Variants in PLGRKT observed in about 807,000 individuals in gnomAD.
The protein encoded by PLGRKT is plasminogen receptor (KT).
A neutral mutation model predicts 18.5 loss-of-function variants in PLGRKT; 22 were observed. The ratio of observed to expected loss-of-function variants is 1.19; its 90% CI spans 0.85 to 1.70. PLGRKT has a LOEUF of 1.70. PLGRKT is among the 40% of genes most tolerant of loss of function. The probability of loss-of-function intolerance (pLI) is 0.00; values close to 1 mark genes in which losing one functional copy is unlikely to be tolerated. For missense variants in PLGRKT, 235 were observed against 174.4 expected, an observed-to-expected ratio of 1.35 and a Z score of -1.96; for synonymous variants, 72 against 52.8, an observed-to-expected ratio of 1.36 and a Z score of -1.58.
At position 5,418,540 on chromosome 9, in the gene PLGRKT, G is replaced by A. The variant is rs886816083; in HGVS notation, c.81+13357C>T. 2.2e-6 allele frequency: 2 copies of A among 903,092 alleles called. No homozygotes were observed. Among genetic ancestry groups the A allele is most frequent in the African/African-American group, 1.6e-5 (1 of 61,414 alleles). 55.9% of individuals were successfully genotyped at this position (903,092 alleles called of 1,614,324 possible). On this transcript the variant is annotated intron_variant, in intron 3 of 5. Transcript: ENST00000223864. This position sits in a 1 kb window ranked among gnomAD's most constrained non-coding sequence, Gnocchi z 4.2. ...CTGCTCCTCCTCCGCCACCCCCTGG[G>A]GAGCCCTGCCTTGCAGAGGCTGCTG...
intron 3 of PLGRKT, among the ~76,000 whole-genome samples, chr9:5,426,154 A>C (rs1488608415): frequency 6.6e-6 from 1 of 152,194 alleles, no homozygotes; most frequent in Non-Finnish European, 1.5e-5. Flanking sequence ...CATGAGGTCA[A>C]TTCCAGCCCA....
At chr9:5,361,549 G>A (rs1817264947) in intron 4 of PLGRKT, among the ~76,000 whole-genome samples, 1 of 152,160 alleles carries the variant, frequency 6.6e-6, no homozygotes, top group African/African-American at 2.4e-5. Flanking sequence ...ATAAAGTAGA[G>A]AAAAAGACAG....
At chr9:5,360,034 A>G (rs1586695495) in intron 5 of PLGRKT, among the ~76,000 whole-genome samples, 1 of 152,350 alleles carries the variant, frequency 6.6e-6, no homozygotes, top group East Asian at 1.9e-4. Context: ...GCAGCTGATG[A>G]GAGAGTATAA....
intron 3 of PLGRKT, among the ~76,000 whole-genome samples, chr9:5,423,496 T>C (rs1818616390): frequency 6.6e-6 from 1 of 152,178 alleles, no homozygotes; most frequent in Non-Finnish European, 1.5e-5. Context: ...CTCAGGCCTT[T>C]ACAGACTTGT....
In PLGRKT at chr9:5,418,277, G is replaced by T. The variant is rs763067683; in HGVS notation, c.81+13620C>A. ...GCCAGCTCTCAGCACCAAATGGTCA[G>T]TGTCGCCCCCTCATCTTCTCACTGG... On this transcript the variant is annotated intron_variant, in intron 3 of 5. Coordinates refer to ENST00000223864, the MANE Select transcript of PLGRKT (RefSeq NM_018465.4). The surrounding 1 kb of genome is among the most constrained non-coding windows in gnomAD (Gnocchi z 4.2). 18 of 474,046 alleles carry T rather than the reference G, an allele frequency of 3.8e-5. No homozygotes were observed. Among genetic ancestry groups the T allele is most frequent in the Non-Finnish European group, 4.0e-6 (1 of 248,038 alleles). 29.4% of individuals were successfully genotyped at this position (474,046 alleles called of 1,614,324 possible). A position where few individuals can be genotyped will look rare whatever the true frequency, so the allele number is the denominator to read the frequency against.
intron 3 of PLGRKT, among the ~76,000 whole-genome samples, chr9:5,421,707 T>C (rs1214869948): frequency 6.6e-6 from 1 of 152,190 alleles, no homozygotes; most frequent in Non-Finnish European, 1.5e-5. Flanking sequence ...ATCCTCAGAG[T>C]AACCCTACAA....
chr9:5,373,761 G>A (rs1817574328), intron 3 of PLGRKT, among the ~76,000 whole-genome samples: 1 of 151,740 alleles, frequency 6.6e-6, no homozygotes, highest in Non-Finnish European at 1.5e-5. Context: ...TGGGTGACTA[G>A]AGCAAGGCCC....
intron 3 of PLGRKT, among the ~76,000 whole-genome samples, chr9:5,394,755 C>G (rs1818014083): frequency 2.0e-5 from 3 of 151,856 alleles, no homozygotes; most frequent in Admixed American, 6.6e-5. Context: ...GGAAAACGTT[C>G]AAATATTGGA....
At chr9:5,404,777 G>T in intron 3 of PLGRKT, among the ~76,000 whole-genome samples, 1 of 152,140 alleles carries the variant, frequency 6.6e-6, no homozygotes, top group Non-Finnish European at 1.5e-5. Context: ...GTCCTAGCCA[G>T]GTCAATCAGG....
At chr9:5,403,159 A>G (rs1207450344) in intron 3 of PLGRKT, among the ~76,000 whole-genome samples, 1 of 151,834 alleles carries the variant, frequency 6.6e-6, no homozygotes, top group Admixed American at 6.6e-5. Flanking sequence ...AATTTATTTC[A>G]CCAATACTAG....
intron 3 of PLGRKT, among the ~76,000 whole-genome samples, chr9:5,376,460 A>G (rs1817629838): frequency 6.6e-6 from 1 of 152,166 alleles, no homozygotes; most frequent in South Asian, 2.1e-4. Context: ...ACTACCTCTG[A>G]GGTTGTTTTG....
At chr9:5,402,527 G>A (rs1318767405) in intron 3 of PLGRKT, among the ~76,000 whole-genome samples, 2 of 151,900 alleles carry the variant, frequency 1.3e-5, no homozygotes, top group Non-Finnish European at 2.9e-5. Context: ...GACTCCTGCT[G>A]GGAACCACAC....
rs541040613 is a variant in PLGRKT at position 5,436,780 on chromosome 9, A to G, written c.-132-86T>C. The G allele has an allele frequency of 7.2e-5, 11 of 152,184 alleles. No homozygotes were observed. In the South Asian group the frequency reaches 2.1e-3, roughly 29 times the overall value. The allele number at this position is 152,184 out of a possible 1,614,324, so 9.4% of individuals were successfully genotyped here. On this transcript the variant is annotated intron_variant, in intron 1 of 5. Coordinates refer to ENST00000223864, the MANE Select transcript of PLGRKT (RefSeq NM_018465.4). The stretch of plus-strand genomic sequence containing the variant: ...CATTCTTTCCTTTCCCAACTTCCCC[A>G]TTCCTGGCAAAGTCATTTCCCAAAG...
intron 3 of PLGRKT, among the ~76,000 whole-genome samples, chr9:5,425,697 C>G (rs1242977375): frequency 6.6e-6 from 1 of 151,634 alleles, no homozygotes; most frequent in Non-Finnish European, 1.5e-5. Flanking sequence ...CCCAAACATT[C>G]AAAAGGCCCT....
chr9:5,369,631 T>G (rs757653928), intron 3 of PLGRKT, among the ~76,000 whole-genome samples: 22 of 152,188 alleles, frequency 1.4e-4, no homozygotes, highest in Non-Finnish European at 2.5e-4. Context: ...TAAAGACACA[T>G]GCACACATAT....
intron 2 of PLGRKT, among the ~76,000 whole-genome samples, chr9:5,433,633 C>T (rs1227412345): frequency 2.1e-5 from 3 of 141,104 alleles, no homozygotes; most frequent in Non-Finnish European, 4.6e-5. Flanking sequence ...ATGTGAGGAG[C>T]GCCTTGGCCC....
chr9:5,408,148 A>G (rs1187188562), intron 3 of PLGRKT, among the ~76,000 whole-genome samples: 1 of 152,214 alleles, frequency 6.6e-6, no homozygotes, highest in Non-Finnish European at 1.5e-5. Context: ...GTTCACACTG[A>G]AAGTGGCTTT....
At chr9:5,368,810 A>G (rs760881092) in intron 3 of PLGRKT, among the ~76,000 whole-genome samples, 1 of 152,196 alleles carries the variant, frequency 6.6e-6, no homozygotes. Context: ...CCACACATCT[A>G]CAACCATCTG....
In PLGRKT at chr9:5,363,855, A is replaced by G. The variant is rs575927612; in HGVS notation, c.82-1967T>C. On this transcript the variant is annotated intron_variant, in intron 3 of 5. Transcript: ENST00000223864. ...GAGTAACTTTGACTTGTCAAAATTAAATTTGCTGTCACCAAGAGAAACTGA... is the reference window on the plus strand; with the variant it reads ...GAGTAACTTTGACTTGTCAAAATTAGATTTGCTGTCACCAAGAGAAACTGA... Among the ~76,000 whole-genome samples, 12 of 152,344 alleles carry G rather than the reference A, an allele frequency of 7.9e-5. No homozygotes were observed. In the East Asian group the frequency reaches 2.1e-3, roughly 27 times the overall value.
Sources: allele counts gnomAD v4.1 joint callset (sites outside exome capture counted in the v4.1 genomes callset), GRCh38; gene constraint gnomAD v4.1.1; non-coding constraint Gnocchi (gnomAD v3.1); transcripts MANE v1.5; gene names NCBI Gene and HGNC (gene_info 2026-07-23, HGNC 2026-07-21).